The following DLG2 variants were observed in gnomAD, a reference collection of about 807,000 sequenced individuals.
DLG2 encodes discs large MAGUK scaffold protein 2.
A neutral mutation model predicts 132.5 loss-of-function variants in DLG2; 45 were observed. The observed-to-expected ratio is 0.34, with a 90% confidence interval of 0.27 to 0.44. DLG2 has a LOEUF of 0.44. Ranked by LOEUF, DLG2 falls within the 20% of genes least tolerant of loss-of-function variation. DLG2 has a pLI of 1.00. For synonymous variants in DLG2, 424 were observed against 419.6 expected (o/e 1.01, Z -0.13); for missense variants, 1,045 against 1,196.9 (o/e 0.87, Z 1.87).
At chr11:84,178,134 A>T (rs2096019018) in intron 8 of DLG2, among the ~76,000 whole-genome samples, 1 of 152,130 alleles carries the variant, frequency 6.6e-6, no homozygotes, top group Admixed American at 6.6e-5. Flanking sequence ...ACCAGCAGAA[A>T]ATGCTATGAA....
At chr11:84,900,456 G>A (rs1330717300) in intron 6 of DLG2, among the ~76,000 whole-genome samples, 1 of 151,828 alleles carries the variant, frequency 6.6e-6, no homozygotes, top group Non-Finnish European at 1.5e-5. Flanking sequence ...CTCTTTTGGG[G>A]GAATGAAAAG....
chr11:84,115,599 C>A (rs2093596799), intron 9 of DLG2, among the ~76,000 whole-genome samples: 1 of 152,188 alleles, frequency 6.6e-6, no homozygotes, highest in Non-Finnish European at 1.5e-5. Flanking sequence ...GGTCCTCCAA[C>A]ATTTCAAGTT....
At chr11:83,886,705 TCTC>T in intron 15 of DLG2, among the ~76,000 whole-genome samples, 1 of 151,550 alleles carries the variant, frequency 6.6e-6, no homozygotes, top group Middle Eastern at 3.4e-3. Context: ...GAAATAAAGC[TCTC>T]CTCAGCAAAT....
intron 8 of DLG2, among the ~76,000 whole-genome samples, chr11:84,187,631 G>A (rs1248075931): frequency 6.6e-6 from 1 of 151,914 alleles, no homozygotes; most frequent in Non-Finnish European, 1.5e-5. Flanking sequence ...TTATCTCAAT[G>A]TTGCTAAGTA....
At chr11:84,023,402 A>G (rs2095451523) in intron 11 of DLG2, among the ~76,000 whole-genome samples, 1 of 152,170 alleles carries the variant, frequency 6.6e-6, no homozygotes, top group African/African-American at 2.4e-5. Flanking sequence ...TGTTGTTTCT[A>G]TTATCTCTAT....
At chr11:84,194,934 C>A (rs2096487044) in intron 8 of DLG2, among the ~76,000 whole-genome samples, 1 of 152,192 alleles carries the variant, frequency 6.6e-6, no homozygotes, top group Non-Finnish European at 1.5e-5. Context: ...CTCGTCCTGG[C>A]CGCGTGCAGC....
At chr11:83,512,330 G>A (rs576345192) in intron 21 of DLG2, among the ~76,000 whole-genome samples, 4 of 152,204 alleles carry the variant, frequency 2.6e-5, no homozygotes, top group South Asian at 2.1e-4. Context: ...CATTCGAGAC[G>A]CAGTTCTGGC....
At chr11:85,375,068 T>C (rs140782734) in intron 3 of DLG2, among the ~76,000 whole-genome samples, 23 of 152,292 alleles carry the variant, frequency 1.5e-4, no homozygotes, top group African/African-American at 4.8e-4. Context: ...TTTCTTTTTT[T>C]TTCCCTTTGT....
At chr11:84,869,955 G>C (rs763310080) in intron 6 of DLG2, among the ~76,000 whole-genome samples, 6 of 152,226 alleles carry the variant, frequency 3.9e-5, no homozygotes, top group Non-Finnish European at 8.8e-5. Flanking sequence ...AAAAATGCCA[G>C]TGGAGATGTA....
intron 4 of DLG2, among the ~76,000 whole-genome samples, chr11:85,174,434 A>C (rs2079081357): frequency 1.3e-5 from 2 of 152,196 alleles, no homozygotes; most frequent in African/African-American, 4.8e-5. Context: ...GAAAACAATA[A>C]AGTATCAGAA....
At chr11:84,533,627 G>A (rs1333509400) in intron 7 of DLG2, among the ~76,000 whole-genome samples, 3 of 152,002 alleles carry the variant, frequency 2.0e-5, no homozygotes, top group Non-Finnish European at 4.4e-5. Flanking sequence ...AGATGTTTTT[G>A]CAGGTATAAT....
intron 13 of DLG2, 97 bp downstream of exon 13, chr11:83,965,226 CA>C: frequency 7.5e-7 from 1 of 1,324,586 alleles, no homozygotes; most frequent in East Asian, 2.5e-5. Flanking sequence ...AGAAGTTAAC[CA>C]AGAGGGAAGG....
chr11:84,470,986 T>C (rs903725635), intron 7 of DLG2, among the ~76,000 whole-genome samples: 1 of 151,842 alleles, frequency 6.6e-6, no homozygotes, highest in African/African-American at 2.4e-5. Flanking sequence ...CTATTTTTCT[T>C]ATACACTGTG....
chr11:85,559,200 G>A lies in DLG2; in HGVS notation c.40+39457C>T, dbSNP rs1298440869. On this transcript the variant is annotated intron_variant, in intron 3 of 27. Transcript: ENST00000376104. The stretch of plus-strand genomic sequence containing the variant: ...GGTGTCTTGCTCTGTCACCCAGGCT[G>A]GAGTGCAATGGCATGATCTCGGTTC... Among the ~76,000 whole-genome samples the A allele has an allele frequency of 4.0e-5, 6 of 149,018 alleles. 1 individual carries two copies. In the South Asian group the frequency reaches 8.6e-4, roughly 21 times the overall value.
At chr11:85,395,656 G>A (rs561376013) in intron 3 of DLG2, among the ~76,000 whole-genome samples, 1 of 152,180 alleles carries the variant, frequency 6.6e-6, no homozygotes, top group African/African-American at 2.4e-5. Context: ...CTCACTGCTA[G>A]CACAGCAGTC....
chr11:85,198,334 T>C (rs532531823), intron 4 of DLG2, among the ~76,000 whole-genome samples: 1 of 152,268 alleles, frequency 6.6e-6, no homozygotes, highest in Admixed American at 6.5e-5. Flanking sequence ...GCCAGACCCC[T>C]TTAAGAACAC....
At chr11:84,945,881 G>A (rs2050135120) in intron 6 of DLG2, among the ~76,000 whole-genome samples, 1 of 152,080 alleles carries the variant, frequency 6.6e-6, no homozygotes, top group African/African-American at 2.4e-5. Flanking sequence ...GCCACTTGGT[G>A]CTCTATTCAA....
At chr11:84,011,331 T>G (rs1009326183) in intron 11 of DLG2, among the ~76,000 whole-genome samples, 6 of 151,678 alleles carry the variant, frequency 4.0e-5, no homozygotes, top group African/African-American at 1.5e-4. Context: ...ACTAGCCAGG[T>G]GTGGTGGCAT....
At chr11:84,374,704 C>A (rs777809026) in intron 7 of DLG2, among the ~76,000 whole-genome samples, 1 of 152,112 alleles carries the variant, frequency 6.6e-6, no homozygotes, top group Non-Finnish European at 1.5e-5. Flanking sequence ...ATCTCTCTGC[C>A]TACAGTCCCT....
Sources: gnomAD v4.1 joint callset for allele counts (sites outside exome capture counted in the v4.1 genomes callset) on GRCh38, gnomAD v4.1.1 for gene constraint, MANE v1.5 for transcripts, NCBI Gene and HGNC (gene_info 2026-07-23, HGNC 2026-07-21) for gene names.